The following PTK2B variants were observed in gnomAD, a reference collection of about 807,000 sequenced individuals.
PTK2B encodes protein tyrosine kinase 2 beta, also known as protein-tyrosine kinase 2-beta.
In PTK2B, 71 loss-of-function variants were observed where a neutral mutation model predicts 142.9. The ratio of observed to expected loss-of-function variants is 0.50; its 90% CI spans 0.41 to 0.61. The LOEUF (loss-of-function observed/expected upper bound fraction) is 0.61. Among genes scored for constraint, PTK2B ranks in the 20% least tolerant of loss-of-function variants. PTK2B has a pLI of 0.00. For missense variants in PTK2B, 1,105 were observed against 1,320.4 expected (o/e 0.84, Z 2.53); for synonymous variants, 519 against 503.4 (o/e 1.03, Z -0.42).
chr8:27,345,611 A>ACTTG (rs1182783046), intron 1 of PTK2B, among the ~76,000 whole-genome samples: 1 of 152,158 alleles, frequency 6.6e-6, no homozygotes, highest in African/African-American at 2.4e-5. Context: ...CCTGGGAAGT[A>ACTTG]CTTGCCTTCC....
intron 3 of PTK2B, among the ~76,000 whole-genome samples, chr8:27,314,308 AG>A (rs1368851844): frequency 2.0e-5 from 3 of 152,204 alleles, no homozygotes; most frequent in African/African-American, 7.2e-5. Flanking sequence ...GGATCGGGCC[AG>A]GTGCCAGTGG....
intron 2 of PTK2B, among the ~76,000 whole-genome samples, chr8:27,414,844 G>A (rs181211510): frequency 1.3e-4 from 20 of 151,884 alleles, no homozygotes; most frequent in Middle Eastern, 6.8e-3. Flanking sequence ...CTCACTCCCT[G>A]TTTGGTTACA....
chr8:27,428,942 G>A (rs934492102), intron 5 of PTK2B, among the ~76,000 whole-genome samples: 10 of 152,042 alleles, frequency 6.6e-5, no homozygotes, highest in African/African-American at 2.2e-4. Context: ...CTTTTGAGAC[G>A]GAGTTTCACT....
chr8:27,344,198 C>T (rs1804580438), intron 1 of PTK2B, among the ~76,000 whole-genome samples: 1 of 152,066 alleles, frequency 6.6e-6, no homozygotes, highest in African/African-American at 2.4e-5. Flanking sequence ...CAAGACCTCC[C>T]CTCCCCAGCA....
intron 3 of PTK2B, among the ~76,000 whole-genome samples, chr8:27,316,902 A>T (rs1173556838): frequency 6.6e-6 from 1 of 152,182 alleles, no homozygotes; most frequent in African/African-American, 2.4e-5. Context: ...ATGATCTTTT[A>T]AGCTACATAT....
chr8:27,439,115 C>T lies in PTK2B; in HGVS notation c.1728C>T (p.Asp576=), dbSNP rs151293619. 658 of 1,613,650 alleles carry T rather than the reference C, an allele frequency of 4.1e-4. 2 individuals are homozygous for T. The African/African-American group carries it at 7.8e-3, about 19-fold the overall frequency. ...GDFGLSRYIE[D]EDYYKASVTR... ...TTGGTCTTTCCCGGTACATTGAGGA[C>T]GAGGACTATTACAAAGGTGAGGGGG... is the stretch of plus-strand genomic sequence containing the variant. The change falls in exon 19 of 31, where the codon GAC becomes GAT. Residue 576 remains aspartate (D), a synonymous_variant. Transcript: ENST00000346049.
In PTK2B at chr8:27,442,945, A is replaced by G. The variant is rs1811245251; in HGVS notation, c.2110A>G (p.Ile704Val). The change falls in exon 22 of 31, where the codon ATC becomes GTC. Residue 704 changes from isoleucine to valine, a missense_variant. Physicochemically the swap from Ile to Val is conservative, Grantham distance 29 (BLOSUM62 3). Coordinates refer to ENST00000346049, the MANE Select transcript of PTK2B (RefSeq NM_173176.3). ...ERNARYRTPK[I>V]LEPTAFQEPP... is the part of the protein sequence containing the mutation. ...GAATGCTCGCTACCGAACCCCCAAAATCTTGGAGCCCACAGCCTTCCAGGA... is the reference window on the plus strand; with the variant it reads ...GAATGCTCGCTACCGAACCCCCAAAGTCTTGGAGCCCACAGCCTTCCAGGA... 1 of 1,614,092 alleles carries G rather than the reference A, an allele frequency of 6.2e-7. No individual in the cohort carries two copies. Among genetic ancestry groups the G allele is most frequent in the Non-Finnish European group, 8.5e-7 (1 of 1,179,978 alleles).
intron 28 of PTK2B, 140 bp downstream of exon 28, chr8:27,453,300 G>C (rs919187718): frequency 6.7e-5 from 79 of 1,171,528 alleles, no homozygotes; most frequent in Non-Finnish European, 1.1e-5. Flanking sequence ...CCGGGGTTAG[G>C]GGGCGGGTGG....
At chr8:27,432,202 C>A in intron 9 of PTK2B, 58 bp from the exon 10 acceptor site, 1 of 1,532,312 alleles carries the variant, frequency 6.5e-7, no homozygotes. Context: ...ACTGACCAAT[C>A]TGCATGGCCT....
intron 24 of PTK2B, among the ~76,000 whole-genome samples, chr8:27,448,826 A>G (rs1811633791): frequency 6.6e-6 from 1 of 152,250 alleles, no homozygotes; most frequent in South Asian, 2.1e-4. Flanking sequence ...GGGGATTTTT[A>G]TGGCCTTAAA....
At chr8:27,362,681 A>G (rs1475307151) in intron 1 of PTK2B, among the ~76,000 whole-genome samples, 6 of 146,348 alleles carry the variant, frequency 4.1e-5, no homozygotes, top group African/African-American at 1.5e-4. Flanking sequence ...CCCCCTTTGT[A>G]GCAGCCTCCC....
At chr8:27,386,257 A>G (rs1288055051) in intron 1 of PTK2B, among the ~76,000 whole-genome samples, 2 of 152,204 alleles carry the variant, frequency 1.3e-5, no homozygotes, top group East Asian at 3.9e-4. Flanking sequence ...TAAATAGTAC[A>G]GCTAGGAACA....
chr8:27,354,255 A>G (rs1026343399), intron 1 of PTK2B, among the ~76,000 whole-genome samples: 2 of 152,106 alleles, frequency 1.3e-5, no homozygotes, highest in African/African-American at 4.8e-5. Flanking sequence ...TTTGGCTAAG[A>G]TCGTGTGTCC....
chr8:27,456,915 G>A (rs1373424217), intron 30 of PTK2B, among the ~76,000 whole-genome samples: 1 of 152,234 alleles, frequency 6.6e-6, no homozygotes, highest in South Asian at 2.1e-4. Context: ...GGCTGAGAGA[G>A]ATTCAGGAAG....
At chr8:27,397,286 G>A (rs979585225) in intron 1 of PTK2B, among the ~76,000 whole-genome samples, 21 of 152,202 alleles carry the variant, frequency 1.4e-4, no homozygotes, top group African/African-American at 5.1e-4. Context: ...GGGTCAGAGA[G>A]AGGGGCTTCC....
At chr8:27,412,673 T>C (rs1809141321) in intron 2 of PTK2B, among the ~76,000 whole-genome samples, 1 of 152,164 alleles carries the variant, frequency 6.6e-6, no homozygotes, top group African/African-American at 2.4e-5. Context: ...CTGAAATCTA[T>C]CTTCCTATGA....
intron 1 of PTK2B, among the ~76,000 whole-genome samples, chr8:27,366,904 T>C (rs1452810078): frequency 6.6e-6 from 1 of 151,686 alleles, no homozygotes. Flanking sequence ...AGACACAGAA[T>C]TGGACTGAGA....
chr8:27,451,059 T>C lies in PTK2B; in HGVS notation c.2504T>C (p.Met835Thr). The C allele has an allele frequency of 1.9e-6, 3 of 1,612,994 alleles. No individual in the cohort carries two copies. Among genetic ancestry groups the C allele is most frequent in the Non-Finnish European group, 1.7e-6 (2 of 1,178,908 alleles). The change falls in exon 26 of 31, where the codon ATG (methionine) becomes ACG (threonine). Residue 835 changes from methionine to threonine, a missense_variant. By Grantham distance (81) the Met-to-Thr change is moderately conservative. Transcript: ENST00000346049. ...CCTCTGCAGGACCCCATGGTTTATA[T>C]GAATGATAAGTCCCCATTGGTGAGT... is the stretch of plus-strand genomic sequence containing the variant. ...EEKSLDPMVYMNDKSPLTPEK... is the reference protein window; with the variant it reads ...EEKSLDPMVYTNDKSPLTPEK...
Position 27,458,274 on chromosome 8 carries a change from C to T in PTK2B, c.2815-20C>T, listed in dbSNP as rs540635395. 14 of 1,609,062 alleles carry T rather than the reference C, an allele frequency of 8.7e-6. No individual in the cohort carries two copies. Among genetic ancestry groups the T allele is most frequent in the South Asian group, 2.2e-5 (2 of 90,646 alleles). ...CAGACTTTGTGGCCTCTCAACCTGT[C>T]CTGTGTGATCTTCCTACAGATCGAG... On this transcript the variant is annotated intron_variant, in intron 30 of 30. Coordinates refer to ENST00000346049, the MANE Select transcript of PTK2B (RefSeq NM_173176.3).
Sources: gnomAD v4.1 joint callset for allele counts (sites outside exome capture counted in the v4.1 genomes callset) on GRCh38, gnomAD v4.1.1 for gene constraint, MANE v1.5 for transcripts, NCBI Gene and HGNC (gene_info 2026-07-23, HGNC 2026-07-21) for gene names.